The following RTN1 variants were observed in gnomAD, a reference collection of about 807,000 sequenced individuals.
RTN1 encodes reticulon-1.
RTN1 carries 25 observed loss-of-function variants against 65.5 expected under a neutral mutation model. The observed-to-expected ratio is 0.38, with a 90% CI of 0.28 to 0.53. The LOEUF is 0.53. Among genes scored for constraint, RTN1 ranks in the 20% least tolerant of loss-of-function variants. The pLI, the probability that RTN1 is intolerant of heterozygous loss-of-function variation, is 0.79. For synonymous variants in RTN1, 471 were observed against 447.6 expected (o/e 1.05, Z -0.66); for missense variants, 983 against 1,025.4 (o/e 0.96, Z 0.57).
At chr14:59,690,304 T>C in intron 3 of RTN1, among the ~76,000 whole-genome samples, 1 of 141,414 alleles carries the variant, frequency 7.1e-6, no homozygotes, top group Non-Finnish European at 1.6e-5. Flanking sequence ...AGAGCGGAGG[T>C]GGGGGGGGGT....
At chr14:59,657,695 G>T (rs1348830789) in intron 3 of RTN1, among the ~76,000 whole-genome samples, 2 of 152,182 alleles carry the variant, frequency 1.3e-5, no homozygotes, top group Non-Finnish European at 2.9e-5. Context: ...GTGCCATGAG[G>T]AATGGTGCAT....
At chr14:59,753,484 T>A (rs901181582) in intron 1 of RTN1, among the ~76,000 whole-genome samples, 1 of 152,254 alleles carries the variant, frequency 6.6e-6, no homozygotes, top group Non-Finnish European at 1.5e-5. Flanking sequence ...ATACTTTGAA[T>A]GTAGTTATGT....
chr14:59,731,280 G>T (rs1159535537), intron 2 of RTN1, among the ~76,000 whole-genome samples: 1 of 152,144 alleles, frequency 6.6e-6, no homozygotes, highest in Non-Finnish European at 1.5e-5. Context: ...CCATTCATAT[G>T]AAATGTCCAG....
At chr14:59,777,242 C>T (rs1458078425) in intron 1 of RTN1, among the ~76,000 whole-genome samples, 1 of 152,140 alleles carries the variant, frequency 6.6e-6, no homozygotes, top group Non-Finnish European at 1.5e-5. Flanking sequence ...TCATCATCTT[C>T]TCTTGGTTTA....
chr14:59,773,614 T>C (rs867934589), intron 1 of RTN1, among the ~76,000 whole-genome samples: 199 of 152,254 alleles, frequency 1.3e-3, no homozygotes, highest in African/African-American at 4.6e-3. Context: ...TCCATCAAGT[T>C]AAGAATCTCC....
intron 2 of RTN1, among the ~76,000 whole-genome samples, chr14:59,745,341 G>C (rs368542844): frequency 2.0e-5 from 3 of 152,108 alleles, no homozygotes; most frequent in Admixed American, 1.3e-4. Context: ...AGACAACCCA[G>C]ATCCTAGCCG....
chr14:59,867,359 T>C (rs1338635799), intron 1 of RTN1, among the ~76,000 whole-genome samples: 1 of 152,240 alleles, frequency 6.6e-6, no homozygotes, highest in Non-Finnish European at 1.5e-5. Flanking sequence ...TAACATGTCG[T>C]AGCCTACCTA....
intron 1 of RTN1, among the ~76,000 whole-genome samples, chr14:59,854,907 TGTAA>T (rs941697395): frequency 1.3e-5 from 2 of 152,160 alleles, no homozygotes; most frequent in Admixed American, 6.5e-5. Context: ...CAGAACACAT[TGTAA>T]GTGTTATAGA....
intron 2 of RTN1, among the ~76,000 whole-genome samples, chr14:59,740,494 T>C (rs1055110364): frequency 2.6e-5 from 4 of 152,228 alleles, no homozygotes; most frequent in Admixed American, 2.6e-4. Flanking sequence ...GTGTTTTATC[T>C]GGCAATTCTA....
Position 59,868,176 on chromosome 14 carries a change from G to T in RTN1, c.241+2214C>A, listed in dbSNP as rs1232263271. ...GTTATTTATTTATACAGCATTTCTG[G>T]CGTTTGAGTCTCTTATAGCAGCACA... On this transcript the variant is annotated intron_variant, in intron 1 of 8. Transcript: ENST00000267484. This position sits in a 1 kb window ranked among gnomAD's most constrained non-coding sequence, Gnocchi z 4.0. Among the ~76,000 whole-genome samples, 1 of 152,078 alleles carries T rather than the reference G, an allele frequency of 6.6e-6. No individual in the cohort carries two copies. The highest frequency in any genetic ancestry group is 6.5e-5 in the Admixed American group (1 of 15,270).
In RTN1 at chr14:59,867,143, G is replaced by A. The variant is rs960484507; in HGVS notation, c.241+3247C>T. On this transcript the variant is annotated intron_variant, in intron 1 of 8. Transcript: ENST00000267484. ...AGTTAATTTCCAAAGCAGGCAATGA[G>A]TTAACCTCTATTTCATTTTGTTCAG... 2.6e-5 allele frequency among the ~76,000 whole-genome samples: 4 copies of A among 152,134 alleles called. No individual in the cohort carries two copies. In the East Asian group the frequency reaches 5.8e-4, roughly 22 times the overall value.
chr14:59,667,944 A>C (rs1440769480), intron 3 of RTN1, among the ~76,000 whole-genome samples: 1 of 152,204 alleles, frequency 6.6e-6, no homozygotes, highest in Non-Finnish European at 1.5e-5. Context: ...CTGCTCAACG[A>C]AATAAAAGAG....
intron 3 of RTN1, among the ~76,000 whole-genome samples, chr14:59,704,755 C>T (rs1884255246): frequency 6.6e-6 from 1 of 152,212 alleles, no homozygotes; most frequent in South Asian, 2.1e-4. Context: ...AGTGCTGGTA[C>T]TGGAATTGGA....
intron 1 of RTN1, among the ~76,000 whole-genome samples, chr14:59,847,871 G>T (rs559562304): frequency 6.6e-6 from 1 of 152,128 alleles, no homozygotes; most frequent in African/African-American, 2.4e-5. Context: ...GAGGAAGCTG[G>T]CACAGATTGC....
intron 1 of RTN1, among the ~76,000 whole-genome samples, chr14:59,845,257 A>G (rs1010713530): frequency 1.3e-5 from 2 of 152,222 alleles, no homozygotes; most frequent in African/African-American, 2.4e-5. Flanking sequence ...AGTTCAGTGA[A>G]TATGATTTTA....
intron 2 of RTN1, among the ~76,000 whole-genome samples, chr14:59,736,556 C>G (rs1007047306): frequency 3.3e-5 from 5 of 151,946 alleles, no homozygotes; most frequent in African/African-American, 1.2e-4. Context: ...CAAACAAAAG[C>G]CCAGGACCAG....
rs1257440545 is a variant in RTN1, at chr14:59,868,818, A to C, written c.241+1572T>G. ...TGATTACAGTGGATAAAGATTCTGA[A>C]CTATGAGCAGTCTATCCTCAACAAA... On this transcript the variant is annotated intron_variant, in intron 1 of 8. Coordinates refer to ENST00000267484, the MANE Select transcript of RTN1 (RefSeq NM_021136.3). This position sits in a 1 kb window ranked among gnomAD's most constrained non-coding sequence, Gnocchi z 4.0. Among the ~76,000 whole-genome samples, 1 of 152,206 alleles carries C rather than the reference A, an allele frequency of 6.6e-6. No individual in the cohort carries two copies. Among genetic ancestry groups the C allele is most frequent in the Non-Finnish European group, 1.5e-5 (1 of 68,042 alleles).
intron 1 of RTN1, among the ~76,000 whole-genome samples, chr14:59,865,284 C>T (rs565602167): frequency 2.3e-4 from 35 of 152,262 alleles, no homozygotes; most frequent in African/African-American, 8.4e-4. Context: ...TCAATTTCAG[C>T]TTTTCTAGCC....
chr14:59,603,795 A>G lies in RTN1; in HGVS notation c.2182+57T>C, dbSNP rs995491908. ...CAAACAAAAAGCTTACAGCCTAGGA[A>G]GCAGCGTTTTCACAGAGGGGGTGAA... is the stretch of plus-strand genomic sequence containing the variant. On this transcript the variant is annotated intron_variant, in intron 6 of 8. Transcript: ENST00000267484. The G allele has an allele frequency of 3.6e-6, 5 of 1,380,696 alleles. No individual in the cohort carries two copies. In the African/African-American group the frequency reaches 5.7e-5, roughly 16 times the overall value. 85.5% of individuals were successfully genotyped at this position (1,380,696 alleles called of 1,614,324 possible).
Sources: allele counts gnomAD v4.1 joint callset (sites outside exome capture counted in the v4.1 genomes callset), GRCh38; gene constraint gnomAD v4.1.1; non-coding constraint Gnocchi (gnomAD v3.1); transcripts MANE v1.5; gene names NCBI Gene and HGNC (gene_info 2026-07-23, HGNC 2026-07-21).